SLCO6A1: variants seen among roughly 807,000 people sequenced by gnomAD.
The protein encoded by SLCO6A1 is cancer/testis antigen 48.
Under a neutral mutation model 72.7 loss-of-function variants are expected in SLCO6A1, and 65 were observed. That is an observed-to-expected ratio of 0.89 (90% CI 0.73 to 1.10). The LOEUF (loss-of-function observed/expected upper bound fraction) is 1.10, where lower values mean the gene tolerates loss of function less well. SLCO6A1 is among the 50% of genes least tolerant of loss of function. SLCO6A1 has a pLI of 0.00. For missense variants in SLCO6A1, 874 were observed against 872.6 expected (o/e 1.00, Z -0.02); for synonymous variants, 314 against 298.2 (o/e 1.05, Z -0.55).
intron 12 of SLCO6A1, among the ~76,000 whole-genome samples, chr5:102,375,372 G>A (rs956255817): frequency 6.6e-6 from 1 of 152,132 alleles, no homozygotes; most frequent in Non-Finnish European, 1.5e-5. Flanking sequence ...CACCAGTTGA[G>A]TCAGAAATTT....
Position 102,373,357 on chromosome 5 carries a change from A to C in SLCO6A1, c.2155T>G (p.Leu719Val), listed in dbSNP as rs1307519172. ...CTTACACAATGATGATCCAGTTACA[A>C]GTCAGTTTCTTCTTTTTTCTTAACT... ...PKVKKKEETD[L>V] Residue 719 changes from leucine to valine, a missense_variant, in exon 13 of 14, where the codon TTG (leucine) becomes GTG (valine). Physicochemically the swap from Leu to Val is conservative, Grantham distance 32. Transcript: ENST00000506729. 1 of 1,561,306 alleles carries C rather than the reference A, an allele frequency of 6.4e-7. No homozygotes were observed. Among genetic ancestry groups the C allele is most frequent in the Non-Finnish European group, 8.6e-7 (1 of 1,158,736 alleles).
chr5:102,386,029 T>C (rs571962380), intron 12 of SLCO6A1, among the ~76,000 whole-genome samples: 8 of 152,256 alleles, frequency 5.3e-5, no homozygotes, highest in Non-Finnish European at 1.0e-4. Flanking sequence ...GCTTTGGTGG[T>C]GTCATGTTTT....
chr5:102,463,442 G>A (rs529331104), intron 4 of SLCO6A1, among the ~76,000 whole-genome samples: 28 of 152,184 alleles, frequency 1.8e-4, no homozygotes, highest in African/African-American at 2.9e-4. Context: ...AACAAAATAC[G>A]TCATATGAAA....
intron 4 of SLCO6A1, among the ~76,000 whole-genome samples, chr5:102,471,987 G>A (rs1477814915): frequency 2.6e-5 from 4 of 151,958 alleles, no homozygotes; most frequent in Non-Finnish European, 5.9e-5. Context: ...AACCAATCTG[G>A]GTACAAGCCT....
intron 12 of SLCO6A1, among the ~76,000 whole-genome samples, chr5:102,376,067 T>C (rs913255743): frequency 6.6e-6 from 1 of 152,082 alleles, no homozygotes; most frequent in Non-Finnish European, 1.5e-5. Flanking sequence ...AAAAGACATA[T>C]TACATGTTGG....
rs78998796 is a variant in SLCO6A1 at position 102,465,562 on chromosome 5, C to T, written c.900-5785G>A. Among the ~76,000 whole-genome samples, 80 of 152,106 alleles carry T rather than the reference C, an allele frequency of 5.3e-4. 3 individuals are homozygous for T. The highest frequency in any genetic ancestry group is 4.2e-3 in the East Asian group (22 of 5,182). Reference sequence around the variant, plus strand: ...TTTGTCTCAAGTACCTTGAGAGAAACGCATTATGTCTAAAACAGTTACCAT... The same window carrying T: ...TTTGTCTCAAGTACCTTGAGAGAAATGCATTATGTCTAAAACAGTTACCAT... On this transcript the variant is annotated intron_variant, in intron 4 of 13. Coordinates refer to ENST00000506729, the MANE Select transcript of SLCO6A1 (RefSeq NM_173488.5).
chr5:102,379,786 A>AAG (rs1427246191), intron 12 of SLCO6A1, among the ~76,000 whole-genome samples: 2 of 151,798 alleles, frequency 1.3e-5, no homozygotes, highest in African/African-American at 4.8e-5. Context: ...AAAAAAAAAA[A>AAG]AAAATTTCTC....
At chr5:102,397,042 G>A (rs1747123889) in intron 10 of SLCO6A1, among the ~76,000 whole-genome samples, 2 of 152,102 alleles carry the variant, frequency 1.3e-5, no homozygotes, top group African/African-American at 2.4e-5. Flanking sequence ...GTTGCAACAC[G>A]AGTTTCAGAG....
At chr5:102,410,710 C>G (rs1747927240) in intron 9 of SLCO6A1, among the ~76,000 whole-genome samples, 1 of 152,040 alleles carries the variant, frequency 6.6e-6, no homozygotes, top group African/African-American at 2.4e-5. Flanking sequence ...GGTAATGGCC[C>G]CACAGATGAG....
chr5:102,452,185 A>C (rs1335753459), intron 6 of SLCO6A1, among the ~76,000 whole-genome samples: 1 of 152,198 alleles, frequency 6.6e-6, no homozygotes, highest in African/African-American at 2.4e-5. Flanking sequence ...CCCTGTAATA[A>C]GGCAGGAAAC....
At chr5:102,393,796 A>C (rs1399636071) in intron 10 of SLCO6A1, among the ~76,000 whole-genome samples, 1 of 152,142 alleles carries the variant, frequency 6.6e-6, no homozygotes, top group Non-Finnish European at 1.5e-5. Context: ...ATATGTTAAA[A>C]TAACGAAGAC....
intron 11 of SLCO6A1, among the ~76,000 whole-genome samples, chr5:102,389,214 C>A (rs75339695): frequency 6.6e-6 from 1 of 151,980 alleles, no homozygotes; most frequent in South Asian, 2.1e-4. Flanking sequence ...AAATTTTCAA[C>A]GACTGAAAAA....
Position 102,480,299 on chromosome 5 carries a change from T to G in SLCO6A1, c.494A>C (p.Tyr165Ser). The G allele has an allele frequency of 6.2e-7, 1 of 1,613,594 alleles. No homozygotes were observed. Among genetic ancestry groups the G allele is most frequent in the Non-Finnish European group, 8.5e-7 (1 of 1,179,748 alleles). ...SGLVAIFIAF[Y>S]GDRKKVIWFV... ...CCATATTACTTTTTTTCTGTCTCCA[T>G]AGAATGCTATAAATATTGCTACCAG... The change falls in exon 2 of 14, where the codon TAT (tyrosine) becomes TCT (serine). Residue 165 changes from tyrosine to serine, a missense_variant. Transcript: ENST00000506729.
chr5:102,457,666 A>T (rs907123048), intron 6 of SLCO6A1, among the ~76,000 whole-genome samples: 2 of 152,198 alleles, frequency 1.3e-5, no homozygotes, highest in African/African-American at 4.8e-5. Flanking sequence ...ACTGTAAACT[A>T]GTTCAACCAT....
chr5:102,450,102 T>C (rs2112721364), intron 6 of SLCO6A1, among the ~76,000 whole-genome samples: 1 of 152,346 alleles, frequency 6.6e-6, no homozygotes, highest in African/African-American at 2.4e-5. Flanking sequence ...AAAATCTTCA[T>C]TTCCATGCAG....
At chr5:102,458,305 T>C in intron 6 of SLCO6A1, 77 bp downstream of exon 6, 1 of 1,080,554 alleles carries the variant, frequency 9.3e-7, no homozygotes, top group Non-Finnish European at 1.4e-6. Flanking sequence ...CCTTTATGGG[T>C]ATTTTCATAA....
chr5:102,459,545 G>A (rs1750912581), intron 5 of SLCO6A1, 111 bp downstream of exon 5: 3 of 1,215,126 alleles, frequency 2.5e-6, no homozygotes, highest in African/African-American at 1.6e-5. Flanking sequence ...CCACTACAGC[G>A]AGAGGCATAC....
chr5:102,415,308 CATTAT>C (rs2112597355), intron 8 of SLCO6A1, among the ~76,000 whole-genome samples: 1 of 152,126 alleles, frequency 6.6e-6, no homozygotes, highest in African/African-American at 2.4e-5. Context: ...CTTCAAATTA[CATTAT>C]AAGGCTACAG....
intron 1 of SLCO6A1, among the ~76,000 whole-genome samples, chr5:102,495,451 C>T (rs1049400901): frequency 3.3e-5 from 5 of 151,958 alleles, no homozygotes; most frequent in East Asian, 1.9e-4. Context: ...AAAATTTAGC[C>T]TGGCACTGTG....
Sources: allele counts gnomAD v4.1 joint callset (sites outside exome capture counted in the v4.1 genomes callset), GRCh38; gene constraint gnomAD v4.1.1; transcripts MANE v1.5; gene names NCBI Gene and HGNC (gene_info 2026-07-23, HGNC 2026-07-21).